The following XPO4 variants were observed in gnomAD, a reference collection of about 807,000 sequenced individuals.
The protein encoded by XPO4 is exportin 4.
A neutral mutation model predicts 143.0 loss-of-function variants in XPO4; 39 were observed. The ratio of observed to expected loss-of-function variants is 0.27; its 90% CI spans 0.21 to 0.36. The LOEUF is 0.36. XPO4 is among the 10% of genes least tolerant of loss of function. The pLI, the probability that XPO4 is intolerant of heterozygous loss-of-function variation, is 1.00. For synonymous variants in XPO4, 439 were observed against 474.0 expected, an observed-to-expected ratio of 0.93 and a Z score of 0.96; for missense variants, 907 against 1,348.0, an observed-to-expected ratio of 0.67 and a Z score of 5.12.
At chr13:20,856,408 C>T (rs2060144742) in intron 3 of XPO4, 1 of 970,526 alleles carries the variant, frequency 1.0e-6, no homozygotes, top group Non-Finnish European at 1.2e-6. Context: ...AGGCATTTTA[C>T]CAAGCCCATT....
At chr13:20,870,563 C>G (rs1029771022) in intron 1 of XPO4, among the ~76,000 whole-genome samples, 2 of 152,108 alleles carry the variant, frequency 1.3e-5, no homozygotes, top group Admixed American at 1.3e-4. Context: ...AACCCCATCT[C>G]TACTAAAAAT....
At chr13:20,812,811 T>C (rs1017176088) in intron 9 of XPO4, among the ~76,000 whole-genome samples, 2 of 152,210 alleles carry the variant, frequency 1.3e-5, no homozygotes, top group African/African-American at 4.8e-5. Context: ...CTGTACTGTC[T>C]TTGCAAATTT....
intron 1 of XPO4, among the ~76,000 whole-genome samples, chr13:20,871,806 T>C (rs2060301601): frequency 6.6e-6 from 1 of 152,152 alleles, no homozygotes; most frequent in Non-Finnish European, 1.5e-5. Flanking sequence ...CTTAATCTAC[T>C]AGAAAGAACA....
chr13:20,814,212 C>T (rs1277532367), intron 9 of XPO4, among the ~76,000 whole-genome samples: 1 of 142,030 alleles, frequency 7.0e-6, no homozygotes, highest in South Asian at 2.2e-4. Context: ...AAAAAAAAAG[C>T]AGGATATTTT....
At chr13:20,852,767 GA>G in intron 4 of XPO4, 1 of 984,598 alleles carries the variant, frequency 1.0e-6, no homozygotes, top group Non-Finnish European at 1.2e-6. Flanking sequence ...CTGAACAAAT[GA>G]AAATTGCTTG....
intron 6 of XPO4, among the ~76,000 whole-genome samples, chr13:20,842,013 T>C (rs1285221420): frequency 6.6e-6 from 1 of 152,186 alleles, no homozygotes; most frequent in Non-Finnish European, 1.5e-5. Flanking sequence ...TAATGAACTA[T>C]TTAATTCACG....
chr13:20,788,613 G>A lies in XPO4; in HGVS notation c.2920C>T (p.Pro974Ser). The change falls in exon 20 of 23, where the codon CCA (proline) becomes TCA (serine). Residue 974 changes from proline (P) to serine (S), a missense_variant. Coordinates refer to ENST00000255305, the MANE Select transcript of XPO4 (RefSeq NM_022459.5). ...TTGTAGTACTGATTACAAAGGGTTGGAAACTGAAAAAGAAATATTCAATTA... is the reference window on the plus strand; with the variant it reads ...TTGTAGTACTGATTACAAAGGGTTGAAAACTGAAAAAGAAATATTCAATTA... ...PLMSQDLLKFPTLCNQYYKLI... is the reference protein window; with the variant it reads ...PLMSQDLLKFSTLCNQYYKLI... The A allele has an allele frequency of 6.3e-7, 1 of 1,588,070 alleles. No homozygotes were observed. The highest frequency in any genetic ancestry group is 8.5e-7 in the Non-Finnish European group (1 of 1,169,998).
chr13:20,858,922 G>GTATATATATA (rs59921874), intron 3 of XPO4, among the ~76,000 whole-genome samples: 15 of 148,724 alleles, frequency 1.0e-4, no homozygotes, highest in African/African-American at 2.0e-4. Flanking sequence ...ATGTGTGTGT[G>GTATATATATA]TATATATATA....
intron 4 of XPO4, chr13:20,849,178 C>T (rs2060059463): frequency 1.0e-6 from 1 of 985,284 alleles, no homozygotes; most frequent in African/African-American, 1.7e-5. Flanking sequence ...ACCCCAGGAG[C>T]TTTATTACCA....
chr13:20,808,418 A>G lies in XPO4; in HGVS notation c.1639+18T>C. ...GCTCAGTTGGCAATTACATTTTAAA[A>G]AGAAACCACCAACCAACCTGTAACT... is the stretch of plus-strand genomic sequence containing the variant. On this transcript the variant is annotated intron_variant, in intron 12 of 22. Transcript: ENST00000255305. 1 of 1,501,940 alleles carries G rather than the reference A, an allele frequency of 6.7e-7. No individual in the cohort carries two copies. The highest frequency in any genetic ancestry group is 9.0e-7 in the Non-Finnish European group (1 of 1,107,994). 93.0% of individuals were successfully genotyped at this position (1,501,940 alleles called of 1,614,324 possible).
intron 4 of XPO4, chr13:20,849,812 T>G (rs183959807): frequency 1.0e-6 from 1 of 985,322 alleles, no homozygotes; most frequent in South Asian, 4.7e-5. Context: ...TTTTTAAAAA[T>G]ACACACAAAT....
chr13:20,869,399 A>G (rs1363775709), intron 1 of XPO4: 1 of 463,808 alleles, frequency 2.2e-6, no homozygotes, highest in African/African-American at 2.1e-5. Flanking sequence ...TAAAACGTAC[A>G]TTCCTGTTAC....
chr13:20,860,031 C>T (rs752811315), intron 3 of XPO4: 3 of 162,120 alleles, frequency 1.9e-5, no homozygotes, highest in Non-Finnish European at 3.9e-5. Flanking sequence ...GCCCTGACTC[C>T]ATAAGGTAGT....
chr13:20,884,789 G>T (rs2060445722), intron 1 of XPO4, among the ~76,000 whole-genome samples: 1 of 152,150 alleles, frequency 6.6e-6, no homozygotes, highest in Admixed American at 6.5e-5. Context: ...GTTTGAAGCT[G>T]CAGTGAACTT....
chr13:20,841,480 A>C (rs1051190198), intron 6 of XPO4, among the ~76,000 whole-genome samples: 3 of 152,248 alleles, frequency 2.0e-5, no homozygotes, highest in Non-Finnish European at 4.4e-5. Context: ...AATTAAGTTA[A>C]TATATTAAAG....
chr13:20,893,436 T>C (rs1484813171), intron 1 of XPO4, among the ~76,000 whole-genome samples: 2 of 151,954 alleles, frequency 1.3e-5, no homozygotes, highest in Admixed American at 1.3e-4. Flanking sequence ...GATGAGGATA[T>C]GGAATGAAAC....
intron 3 of XPO4, among the ~76,000 whole-genome samples, chr13:20,860,278 T>A (rs1233710666): frequency 1.3e-5 from 2 of 152,216 alleles, no homozygotes; most frequent in African/African-American, 4.8e-5. Flanking sequence ...ACAATTTTTT[T>A]AACCTTCCCA....
intron 6 of XPO4, among the ~76,000 whole-genome samples, chr13:20,831,304 C>A (rs923303229): frequency 6.6e-6 from 1 of 152,144 alleles, no homozygotes. Context: ...CAATAGTTTC[C>A]TTTTAAAACT....
At chr13:20,821,090 A>G (rs1566583754) in intron 9 of XPO4, among the ~76,000 whole-genome samples, 1 of 152,206 alleles carries the variant, frequency 6.6e-6, no homozygotes, top group African/African-American at 2.4e-5. Context: ...TAAATATAAA[A>G]TATGGAAAAT....
Sources: gnomAD v4.1 joint callset for allele counts (sites outside exome capture counted in the v4.1 genomes callset) on GRCh38, gnomAD v4.1.1 for gene constraint, MANE v1.5 for transcripts, NCBI Gene and HGNC (gene_info 2026-07-23, HGNC 2026-07-21) for gene names.